The following PROS1 variants were observed in gnomAD, a reference collection of about 807,000 sequenced individuals.
PROS1 encodes vitamin K-dependent protein S.
PROS1 carries 29 observed loss-of-function variants against 75.9 expected under a neutral mutation model. The ratio of observed to expected loss-of-function variants is 0.38; its 90% CI spans 0.28 to 0.52. The LOEUF (loss-of-function observed/expected upper bound fraction) is 0.52. Ranked by LOEUF, PROS1 falls within the 20% of genes least tolerant of loss-of-function variation. The pLI is 0.83. For missense variants in PROS1, 680 were observed against 810.3 expected, an observed-to-expected ratio of 0.84 and a Z score of 1.95; for synonymous variants, 245 against 280.6, an observed-to-expected ratio of 0.87 and a Z score of 1.27.
At chr3:93,963,715 A>G (rs1192013155) in intron 1 of PROS1, among the ~76,000 whole-genome samples, 6 of 152,104 alleles carry the variant, frequency 3.9e-5, no homozygotes, top group Admixed American at 2.6e-4. Context: ...GAGAGGTCCC[A>G]GACTTTAAAC....
At chr3:93,940,340 G>A (rs1709264095) in intron 1 of PROS1, among the ~76,000 whole-genome samples, 1 of 151,964 alleles carries the variant, frequency 6.6e-6, no homozygotes, top group South Asian at 2.1e-4. Flanking sequence ...ATATGCTTTG[G>A]GTAACTCTTA....
chr3:93,898,759 T>C (rs545560012), intron 7 of PROS1, among the ~76,000 whole-genome samples, 190 bp from the exon 8 acceptor site: 2 of 152,238 alleles, frequency 1.3e-5, no homozygotes, highest in South Asian at 4.1e-4. Context: ...GTTACAAGTA[T>C]AGTTTTTATT....
At chr3:93,889,934 G>A (rs1206672692) in intron 10 of PROS1, among the ~76,000 whole-genome samples, 3 of 152,162 alleles carry the variant, frequency 2.0e-5, no homozygotes, top group African/African-American at 7.2e-5. Context: ...CTGACTGCGT[G>A]CAGGGTCGGG....
chr3:93,896,243 G>C (rs1708499488), intron 9 of PROS1, among the ~76,000 whole-genome samples: 1 of 152,020 alleles, frequency 6.6e-6, no homozygotes, highest in Non-Finnish European at 1.5e-5. Flanking sequence ...TTCATAACAT[G>C]TGTAAAGAAT....
chr3:93,904,507 A>G (rs575367326), intron 6 of PROS1, among the ~76,000 whole-genome samples: 21 of 152,344 alleles, frequency 1.4e-4, no homozygotes, highest in African/African-American at 3.8e-4. Flanking sequence ...AAACACTGCT[A>G]TTCAGTAAGA....
At chr3:93,932,756 T>C (rs1166103761) in intron 1 of PROS1, among the ~76,000 whole-genome samples, 1 of 152,212 alleles carries the variant, frequency 6.6e-6, no homozygotes, top group East Asian at 1.9e-4. Flanking sequence ...TTTATTGTTA[T>C]TGGTTTCATA....
intron 6 of PROS1, among the ~76,000 whole-genome samples, chr3:93,905,150 A>G (rs889598122): frequency 2.6e-5 from 4 of 152,250 alleles, no homozygotes; most frequent in African/African-American, 9.6e-5. Flanking sequence ...AATAAAAAAT[A>G]TAATGTCTGA....
intron 6 of PROS1, among the ~76,000 whole-genome samples, chr3:93,902,598 A>G (rs1200354981): frequency 6.6e-6 from 1 of 151,992 alleles, no homozygotes; most frequent in Non-Finnish European, 1.5e-5. Flanking sequence ...ACCAAAAAAT[A>G]CAAAATTGGA....
Position 93,898,439 on chromosome 3 carries a change from A to G in PROS1, c.849+9T>C. 1 of 1,612,098 alleles carries G rather than the reference A, an allele frequency of 6.2e-7. No homozygotes were observed. Among genetic ancestry groups the G allele is most frequent in the Non-Finnish European group, 8.5e-7 (1 of 1,178,544 alleles). On this transcript the variant is annotated intron_variant, in intron 8 of 14. Transcript: ENST00000394236. Reference sequence around the variant, plus strand: ...ACAGGTGAGAAGTTAAGCATTGTAAAATGTTTACCTCACAACTCTTCTGAT... The same window carrying G: ...ACAGGTGAGAAGTTAAGCATTGTAAGATGTTTACCTCACAACTCTTCTGAT...
intron 10 of PROS1, among the ~76,000 whole-genome samples, chr3:93,891,512 C>G (rs1708430463): frequency 1.3e-5 from 2 of 152,136 alleles, no homozygotes; most frequent in African/African-American, 4.8e-5. Context: ...ACTGCAACCT[C>G]CGCCTCCTGG....
intron 9 of PROS1, 85 bp downstream of exon 9, chr3:93,896,491 C>T (rs1332516217): frequency 5.1e-6 from 5 of 986,896 alleles, no homozygotes; most frequent in Non-Finnish European, 8.2e-6. Context: ...AATACAATTT[C>T]ACACACTTCA....
chr3:93,938,362 C>T (rs950391393), intron 1 of PROS1, among the ~76,000 whole-genome samples: 72 of 152,026 alleles, frequency 4.7e-4, no homozygotes, highest in Middle Eastern at 3.2e-3. Flanking sequence ...GGACTCAGCC[C>T]GCTGGCACCC....
At chr3:93,941,389 T>A (rs1709285555) in intron 1 of PROS1, among the ~76,000 whole-genome samples, 1 of 152,194 alleles carries the variant, frequency 6.6e-6, no homozygotes, top group African/African-American at 2.4e-5. Flanking sequence ...CTGCTGATCA[T>A]GACCAACTGA....
chr3:93,939,900 A>G (rs920949303), intron 1 of PROS1, among the ~76,000 whole-genome samples: 2 of 152,156 alleles, frequency 1.3e-5, no homozygotes, highest in African/African-American at 4.8e-5. Flanking sequence ...TTCACCTTCA[A>G]GGCATACAAT....
intron 3 of PROS1, chr3:93,911,049 C>T (rs1708752296): frequency 3.4e-6 from 1 of 292,826 alleles, no homozygotes; most frequent in Non-Finnish European, 6.6e-6. Context: ...CAAGATGTTG[C>T]CCTCAAATCT....
intron 1 of PROS1, among the ~76,000 whole-genome samples, chr3:93,952,145 AC>A (rs988487992): frequency 7.5e-4 from 114 of 152,244 alleles, no homozygotes; most frequent in African/African-American, 2.7e-3. Context: ...AGACTTTAAC[AC>A]CCCACTGTCA....
At chr3:93,886,988 G>C (rs1030462463) in intron 10 of PROS1, among the ~76,000 whole-genome samples, 1 of 147,528 alleles carries the variant, frequency 6.8e-6, no homozygotes, top group African/African-American at 2.5e-5. Flanking sequence ...GCGCAATCTC[G>C]GCTCACTGCA....
chr3:93,877,452 C>G (rs978399765), intron 13 of PROS1, among the ~76,000 whole-genome samples: 5 of 152,092 alleles, frequency 3.3e-5, no homozygotes, highest in African/African-American at 4.8e-5. Context: ...TCTGAAAATT[C>G]CGTAAAACAA....
chr3:93,916,773 G>T (rs1708856537), intron 3 of PROS1, among the ~76,000 whole-genome samples: 1 of 152,092 alleles, frequency 6.6e-6, no homozygotes, highest in African/African-American at 2.4e-5. Flanking sequence ...GGTGGTCAAG[G>T]CATGACCTCT....
Sources: gnomAD v4.1 joint callset for allele counts (sites outside exome capture counted in the v4.1 genomes callset) on GRCh38, gnomAD v4.1.1 for gene constraint, MANE v1.5 for transcripts, NCBI Gene and HGNC (gene_info 2026-07-23, HGNC 2026-07-21) for gene names.